The following SCFD2 variants were observed in gnomAD, a reference collection of about 807,000 sequenced individuals.
The protein encoded by SCFD2 is sec1 family domain-containing protein 2.
In SCFD2, 54 loss-of-function variants were observed where a neutral mutation model predicts 58.9. That is an observed-to-expected ratio of 0.92 (90% CI 0.74 to 1.15). SCFD2 has a LOEUF of 1.15. SCFD2 is among the 50% of genes most tolerant of loss of function. The pLI is 0.00. For missense variants in SCFD2, 805 were observed against 836.6 expected (o/e 0.96, Z 0.47); for synonymous variants, 321 against 335.9 (o/e 0.96, Z 0.49).
At chr4:52,998,903 TGAGCTATAGGGTTG>T (rs1721803360) in intron 5 of SCFD2, among the ~76,000 whole-genome samples, 1 of 152,188 alleles carries the variant, frequency 6.6e-6, no homozygotes, top group Non-Finnish European at 1.5e-5. Context: ...CAACAGTCCC[TGAGCTATAGGGTTG>T]GAGAACAAAG....
At chr4:53,025,539 T>G (rs17082288) in intron 5 of SCFD2, among the ~76,000 whole-genome samples, 2,890 of 14,774 alleles carry the variant, frequency 0.2, 102 homozygotes, top group African/African-American at 0.24. Context: ...CAAAGCACAA[T>G]TTTTCACTGC....
chr4:53,198,225 G>A (rs2148964552), intron 4 of SCFD2, among the ~76,000 whole-genome samples: 1 of 152,058 alleles, frequency 6.6e-6, no homozygotes, highest in South Asian at 2.1e-4. Context: ...AATAATTACT[G>A]TATTTGACTT....
chr4:53,319,466 C>T (rs2149117628), intron 2 of SCFD2, among the ~76,000 whole-genome samples: 1 of 152,218 alleles, frequency 6.6e-6, no homozygotes, highest in Admixed American at 6.5e-5. Flanking sequence ...GGTATTATTT[C>T]CAATCTAGCT....
intron 5 of SCFD2, among the ~76,000 whole-genome samples, chr4:52,955,570 G>C (rs1031538410): frequency 3.3e-5 from 5 of 152,076 alleles, no homozygotes; most frequent in African/African-American, 1.2e-4. Flanking sequence ...TTTGTTTCAG[G>C]GAACACCACT....
chr4:53,031,570 C>T (rs1429607441), intron 5 of SCFD2, among the ~76,000 whole-genome samples: 1 of 152,108 alleles, frequency 6.6e-6, no homozygotes, highest in Non-Finnish European at 1.5e-5. Flanking sequence ...ACTAGAATAA[C>T]CAGTTTAGAG....
chr4:53,250,643 T>C (rs1407618246), intron 4 of SCFD2, among the ~76,000 whole-genome samples: 44 of 152,226 alleles, frequency 2.9e-4, no homozygotes, highest in Admixed American at 2.5e-3. Context: ...CCTGAATGAA[T>C]ACTGGGTAAA....
chr4:53,208,875 C>T (rs938169586), intron 4 of SCFD2, among the ~76,000 whole-genome samples: 4 of 152,138 alleles, frequency 2.6e-5, no homozygotes, highest in African/African-American at 7.3e-5. Context: ...TCAAGAAGCT[C>T]GGCCCTTTGA....
chr4:53,257,375 C>T (rs1037976957), intron 4 of SCFD2, among the ~76,000 whole-genome samples: 6 of 152,150 alleles, frequency 3.9e-5, no homozygotes, highest in African/African-American at 1.4e-4. Context: ...AAAGGCAGAT[C>T]CTAACCCTGG....
Position 52,935,652 on chromosome 4 carries a change from C to T in SCFD2, c.1562-14782G>A, listed in dbSNP as rs569517463. Among the ~76,000 whole-genome samples, 13 of 152,292 alleles carry T rather than the reference C, an allele frequency of 8.5e-5. No homozygotes were observed. The South Asian group carries it at 1.5e-3, about 17-fold the overall frequency. On this transcript the variant is annotated intron_variant, in intron 5 of 8. Transcript: ENST00000401642. ...GTCTCACCGCTGTCTGATACACAGA[C>T]GTGGCTTCTGTTAAACATTTAAAGT... is the stretch of plus-strand genomic sequence containing the variant.
At chr4:53,173,691 T>C (rs1248288633) in intron 4 of SCFD2, among the ~76,000 whole-genome samples, 1 of 152,170 alleles carries the variant, frequency 6.6e-6, no homozygotes, top group Non-Finnish European at 1.5e-5. Flanking sequence ...TCCTTTGTGG[T>C]TTATAGTTTC....
At chr4:52,935,540 G>A (rs1054595248) in intron 5 of SCFD2, among the ~76,000 whole-genome samples, 8 of 152,104 alleles carry the variant, frequency 5.3e-5, no homozygotes, top group African/African-American at 1.7e-4. Context: ...TACTTTGATT[G>A]TTCTACATAT....
intron 3 of SCFD2, among the ~76,000 whole-genome samples, chr4:53,287,731 T>C (rs1438072195): frequency 6.6e-6 from 1 of 152,038 alleles, no homozygotes; most frequent in Non-Finnish European, 1.5e-5. Flanking sequence ...TCTCCAATAA[T>C]TGACTCCAAA....
At chr4:52,960,667 C>A (rs897612822) in intron 5 of SCFD2, among the ~76,000 whole-genome samples, 1 of 151,878 alleles carries the variant, frequency 6.6e-6, no homozygotes, top group Non-Finnish European at 1.5e-5. Flanking sequence ...CCGTGCCTGG[C>A]CAAAGCACAT....
chr4:53,061,471 C>T (rs1011608025), intron 5 of SCFD2, among the ~76,000 whole-genome samples: 4 of 152,162 alleles, frequency 2.6e-5, no homozygotes, highest in African/African-American at 9.7e-5. Context: ...ATGATTCATC[C>T]AGTCCATTCC....
chr4:53,101,849 TA>T (rs975634178), intron 5 of SCFD2, among the ~76,000 whole-genome samples: 3 of 150,920 alleles, frequency 2.0e-5, no homozygotes, highest in East Asian at 1.9e-4. Context: ...ACATCCCAAT[TA>T]AAAAAAAACC....
chr4:53,121,393 AGC>A (rs1725473691), intron 5 of SCFD2, among the ~76,000 whole-genome samples: 1 of 152,186 alleles, frequency 6.6e-6, no homozygotes. Flanking sequence ...AACAAAATCC[AGC>A]TATTCATGTG....
At chr4:52,951,239 G>A (rs1238583699) in intron 5 of SCFD2, among the ~76,000 whole-genome samples, 1 of 152,036 alleles carries the variant, frequency 6.6e-6, no homozygotes, top group African/African-American at 2.4e-5. Context: ...TATTAGCAAT[G>A]TTTTTCTTTA....
intron 7 of SCFD2, among the ~76,000 whole-genome samples, chr4:52,895,905 A>C (rs1468313155): frequency 6.6e-6 from 1 of 152,280 alleles, no homozygotes; most frequent in African/African-American, 2.4e-5. Context: ...CATTTCTCTG[A>C]TGGCCAGTGG....
chr4:53,218,607 G>A (rs1728937706), intron 4 of SCFD2, among the ~76,000 whole-genome samples: 1 of 152,210 alleles, frequency 6.6e-6, no homozygotes, highest in South Asian at 2.1e-4. Flanking sequence ...TTAGCTCAGA[G>A]AAGTTTGATC....
Sources: gnomAD v4.1 joint callset for allele counts (sites outside exome capture counted in the v4.1 genomes callset) on GRCh38, gnomAD v4.1.1 for gene constraint, MANE v1.5 for transcripts, NCBI Gene and HGNC (gene_info 2026-07-23, HGNC 2026-07-21) for gene names.